FAM168A: variants seen among roughly 807,000 people sequenced by gnomAD.
FAM168A encodes protein FAM168A.
Under a neutral mutation model 28.5 loss-of-function variants are expected in FAM168A, and 3 were observed. The ratio of observed to expected loss-of-function variants is 0.11; its 90% CI spans 0.05 to 0.27. FAM168A has a LOEUF of 0.27. Ranked by LOEUF, FAM168A falls within the 10% of genes least tolerant of loss-of-function variation. FAM168A has a pLI of 1.00. For synonymous variants in FAM168A, 122 were observed against 124.2 expected, an observed-to-expected ratio of 0.98 and a Z score of 0.12; for missense variants, 222 against 311.5, an observed-to-expected ratio of 0.71 and a Z score of 2.16.
At chr11:73,478,745 C>A (rs1808197167) in intron 1 of FAM168A, among the ~76,000 whole-genome samples, 2 of 152,122 alleles carry the variant, frequency 1.3e-5, no homozygotes, top group South Asian at 2.1e-4. Context: ...CCAGGCCATG[C>A]ATAAAGTGTT....
rs537767007 is a variant in FAM168A, at chr11:73,532,336, C to A, written c.-18-63844G>T. On this transcript the variant is annotated intron_variant, in intron 1 of 7. Coordinates refer to ENST00000356467, the MANE Select transcript of FAM168A (RefSeq NM_015159.3). ...CCAGTGCCTGTTATTATTCCTAGTA[C>A]ACCGCAGGAGTAATGTATATAAAAT... 1.6e-4 allele frequency among the ~76,000 whole-genome samples: 24 copies of A among 152,148 alleles called. No individual in the cohort carries two copies. In the Middle Eastern group the frequency reaches 0.024, roughly 151 times the overall value.
At chr11:73,555,062 A>G (rs1943874533) in intron 1 of FAM168A, among the ~76,000 whole-genome samples, 1 of 152,244 alleles carries the variant, frequency 6.6e-6, no homozygotes, top group African/African-American at 2.4e-5. Flanking sequence ...GGAGAAAGAC[A>G]TTAGCCTAGA....
intron 7 of FAM168A, among the ~76,000 whole-genome samples, chr11:73,407,120 A>G (rs1465019288): frequency 6.6e-6 from 1 of 152,248 alleles, no homozygotes; most frequent in Non-Finnish European, 1.5e-5. Flanking sequence ...TCCGAAGACC[A>G]TAAGGTAAAT....
intron 1 of FAM168A, among the ~76,000 whole-genome samples, chr11:73,511,302 T>A (rs1401354245): frequency 6.6e-6 from 1 of 151,922 alleles, no homozygotes; most frequent in East Asian, 1.9e-4. Flanking sequence ...CAGTGTGCGA[T>A]CTCAGCTCAC....
chr11:73,479,881 A>G (rs1245619853), intron 1 of FAM168A, among the ~76,000 whole-genome samples: 1 of 152,210 alleles, frequency 6.6e-6, no homozygotes, highest in Non-Finnish European at 1.5e-5. Context: ...CTGGAATTCA[A>G]CAGCTTAATT....
chr11:73,420,284 C>T (rs1354128404), intron 3 of FAM168A, among the ~76,000 whole-genome samples: 2 of 152,212 alleles, frequency 1.3e-5, no homozygotes, highest in African/African-American at 4.8e-5. Flanking sequence ...TAACCATCTC[C>T]TACTACCTGA....
intron 1 of FAM168A, among the ~76,000 whole-genome samples, chr11:73,485,746 T>G (rs1868044765): frequency 6.6e-6 from 1 of 152,204 alleles, no homozygotes; most frequent in Non-Finnish European, 1.5e-5. Flanking sequence ...GATGGTATAA[T>G]GAGTCTCCTA....
At chr11:73,484,518 A>ATC (rs1868013158) in intron 1 of FAM168A, among the ~76,000 whole-genome samples, 16 of 87,176 alleles carry the variant, frequency 1.8e-4, no homozygotes, top group South Asian at 4.3e-4. Flanking sequence ...ATATATATAG[A>ATC]TATATATATC....
chr11:73,452,216 T>C (rs1867443474), intron 2 of FAM168A: 1 of 152,274 alleles, frequency 6.6e-6, no homozygotes, highest in South Asian at 2.1e-4. Flanking sequence ...CTGGCATTAA[T>C]TATGCTCTGC....
chr11:73,493,053 C>G (rs2134610577), intron 1 of FAM168A, among the ~76,000 whole-genome samples: 1 of 152,258 alleles, frequency 6.6e-6, no homozygotes, highest in Middle Eastern at 3.4e-3. Context: ...GACTGAAAAA[C>G]TACCTATTGG....
In FAM168A at chr11:73,402,980, G is replaced by A. The variant is rs996199292; in HGVS notation, c.*3783C>T. On this transcript the variant is annotated 3_prime_UTR_variant, in exon 8 of 8. Transcript: ENST00000356467. ...CCAAGAGACCCAGCAGGTGGCAGCA[G>A]AAAGAGCAGAGGATTTGAAGAATCA... 2.0e-5 allele frequency: 3 copies of A among 152,254 alleles called. No individual in the cohort carries two copies. Among genetic ancestry groups the A allele is most frequent in the African/African-American group, 7.2e-5 (3 of 41,454 alleles). The allele number at this position is 152,254 out of a possible 1,614,324, so 9.4% of individuals were successfully genotyped here.
intron 1 of FAM168A, among the ~76,000 whole-genome samples, chr11:73,498,489 G>A (rs1389288159): frequency 2.0e-5 from 3 of 152,200 alleles, no homozygotes; most frequent in Non-Finnish European, 2.9e-5. Context: ...ATCTGCTTAA[G>A]CCTACTGAAC....
intron 2 of FAM168A, among the ~76,000 whole-genome samples, chr11:73,462,124 A>C (rs986777794): frequency 2.0e-5 from 3 of 152,252 alleles, no homozygotes; most frequent in Admixed American, 6.5e-5. Context: ...ATATATACCC[A>C]AAAGAATTGA....
chr11:73,537,570 C>G (rs764506039), intron 1 of FAM168A, among the ~76,000 whole-genome samples: 2 of 152,128 alleles, frequency 1.3e-5, no homozygotes, highest in Non-Finnish European at 2.9e-5. Flanking sequence ...CTCATACTTA[C>G]AAACTCCAGG....
chr11:73,545,764 G>A (rs1943742601), intron 1 of FAM168A, among the ~76,000 whole-genome samples: 1 of 146,592 alleles, frequency 6.8e-6, no homozygotes, highest in Admixed American at 7.1e-5. Context: ...ATCACGGCTG[G>A]ACTCAAACTC....
chr11:73,406,958 GTT>G (rs1866517382), intron 7 of FAM168A, among the ~76,000 whole-genome samples: 1 of 152,214 alleles, frequency 6.6e-6, no homozygotes, highest in Non-Finnish European at 1.5e-5. Flanking sequence ...GAGCCCTATG[GTT>G]CACTGTCACT....
intron 1 of FAM168A, among the ~76,000 whole-genome samples, chr11:73,517,416 G>A (rs1038773430): frequency 2.0e-5 from 3 of 151,870 alleles, no homozygotes; most frequent in African/African-American, 7.3e-5. Context: ...GCAGCTAGTC[G>A]AGAATCCAGA....
Position 73,405,282 on chromosome 11 carries a change from T to C in FAM168A, c.*1481A>G, listed in dbSNP as rs1195751154. 6.6e-6 allele frequency: 1 copy of C among 152,210 alleles called. No individual in the cohort carries two copies. Among genetic ancestry groups the C allele is most frequent in the Non-Finnish European group, 1.5e-5 (1 of 68,050 alleles). The allele number at this position is 152,210 out of a possible 1,614,324, so 9.4% of individuals were successfully genotyped here. A position where few individuals can be genotyped will look rare whatever the true frequency, so the allele number is the denominator to read the frequency against. ...TCATTTGCAATTTCTGTTCCTGCCA[T>C]CCGCCCCCATGTAGCCTCTGCCCAG... On this transcript the variant is annotated 3_prime_UTR_variant, in exon 8 of 8. Coordinates refer to ENST00000356467, the MANE Select transcript of FAM168A (RefSeq NM_015159.3).
intron 2 of FAM168A, among the ~76,000 whole-genome samples, chr11:73,433,424 T>C (rs991791272): frequency 2.0e-5 from 3 of 152,098 alleles, no homozygotes; most frequent in African/African-American, 7.2e-5. Flanking sequence ...TTCTTGATTA[T>C]GCCTTTGAGT....
Sources: allele counts gnomAD v4.1 joint callset (sites outside exome capture counted in the v4.1 genomes callset), GRCh38; gene constraint gnomAD v4.1.1; transcripts MANE v1.5; gene names NCBI Gene and HGNC (gene_info 2026-07-23, HGNC 2026-07-21).